Variants in PRR14 observed in about 807,000 individuals in gnomAD.
PRR14 encodes the protein proline rich 14, also known as proline-rich protein 14.
PRR14 carries 33 observed loss-of-function variants against 57.2 expected under a neutral mutation model. The observed-to-expected ratio is 0.58, with a 90% CI of 0.44 to 0.77. The LOEUF is 0.77. Ranked by LOEUF, PRR14 falls within the 30% of genes least tolerant of loss-of-function variation. The pLI is 0.00. For synonymous variants in PRR14, 303 were observed against 314.7 expected (o/e 0.96, Z 0.39); for missense variants, 716 against 788.1 (o/e 0.91, Z 1.10).
Position 30,654,786 on chromosome 16 carries a change from G to GCC in PRR14, c.820_821dup (p.Pro275HisfsTer7). The GCC allele has an allele frequency of 6.4e-7, 1 of 1,568,086 alleles. No homozygotes were observed. The highest frequency in any genetic ancestry group is 8.7e-7 in the Non-Finnish European group (1 of 1,145,200). ...TCCTCACGCCCAACAAAACCCCACA[G>GCC]CCCCCACCCCCGTCCCCCCCAATGA... is the stretch of plus-strand genomic sequence containing the variant. On this transcript the variant is annotated frameshift_variant, in exon 8 of 12. Coordinates refer to ENST00000300835, the MANE Select transcript of PRR14 (RefSeq NM_024031.5). LOFTEE classifies it high-confidence loss of function.
In PRR14 at chr16:30,655,890, T is replaced by G; in HGVS notation, c.1429T>G (p.Leu477Val). 1 of 1,614,114 alleles carries G rather than the reference T, an allele frequency of 6.2e-7. No homozygotes were observed. The highest frequency in any genetic ancestry group is 8.5e-7 in the Non-Finnish European group (1 of 1,180,012). Residue 477 changes from leucine (L) to valine (V), a missense_variant, in exon 11 of 12, where the codon TTG becomes GTG. Physicochemically the swap from Leu to Val is conservative, Grantham distance 32 (BLOSUM62 1). Coordinates refer to ENST00000300835, the MANE Select transcript of PRR14 (RefSeq NM_024031.5). This position sits in a 1 kb window ranked among gnomAD's most constrained non-coding sequence, Gnocchi z 4.6. ...CAGGTTGAACAAGAAGGAGTTCAGC[T>G]TGGAAGAAATTTACACCAACAAGAA... ...PIRLNKKEFS[L>V]EEIYTNKNYQ...
chr16:30,651,021 G>C lies in PRR14; in HGVS notation c.-157G>C, dbSNP rs1233948293. ...ATCCCTGGGGATCTACGCTGAGTTC[G>C]GAGATGCTCCAGCTCGGGCCGCCCC... On this transcript the variant is annotated 5_prime_UTR_variant, in exon 1 of 12. Transcript: ENST00000300835. The surrounding 1 kb of genome is among the most constrained non-coding windows in gnomAD (Gnocchi z 5.0). 4.4e-6 allele frequency: 2 copies of C among 456,240 alleles called. No homozygotes were observed. Among genetic ancestry groups the C allele is most frequent in the African/African-American group, 2.0e-5 (1 of 50,070 alleles). 28.3% of individuals were successfully genotyped at this position (456,240 alleles called of 1,614,324 possible). A position where few individuals can be genotyped will look rare whatever the true frequency, so the allele number is the denominator to read the frequency against.
Position 30,655,604 on chromosome 16 carries a change from C to T in PRR14, c.1406+11C>T, listed in dbSNP as rs1596606843. Reference sequence around the variant, plus strand: ...GCCTCGACCAATCAGGTGAGGGGCTCACTGGGCATTGAGCCATCTTGGCCA... The same window carrying T: ...GCCTCGACCAATCAGGTGAGGGGCTTACTGGGCATTGAGCCATCTTGGCCA... On this transcript the variant is annotated intron_variant, in intron 10 of 11. Transcript: ENST00000300835. This position sits in a 1 kb window ranked among gnomAD's most constrained non-coding sequence, Gnocchi z 4.6. 1 of 1,612,822 alleles carries T rather than the reference C, an allele frequency of 6.2e-7. No homozygotes were observed.
rs199988594 is a variant in PRR14 at position 30,652,835 on chromosome 16, C to A, written c.307C>A (p.Gln103Lys). 7.9e-5 allele frequency: 128 copies of A among 1,614,142 alleles called. No homozygotes were observed. Among genetic ancestry groups the A allele is most frequent in the Middle Eastern group, 1.6e-4 (1 of 6,062 alleles). Residue 103 changes from glutamine to lysine, a missense_variant, in exon 4 of 12, where the codon CAG becomes AAG. Coordinates refer to ENST00000300835, the MANE Select transcript of PRR14 (RefSeq NM_024031.5). ...ACCCCGGCAGGCCGGGTGGTCCTCG[C>A]AGGCCAGGTGAGCATGGCAGGATGG... is the stretch of plus-strand genomic sequence containing the variant. ...SPPRQAGWSSQARPPDPLCLC... is the reference protein window; with the variant it reads ...SPPRQAGWSSKARPPDPLCLC...
chr16:30,652,272 C>T (rs1402461156), intron 3 of PRR14: 1 of 587,370 alleles, frequency 1.7e-6, no homozygotes, highest in Non-Finnish European at 3.2e-6. Context: ...CTATGTTGCA[C>T]AAGCTGGTCT....
intron 3 of PRR14, chr16:30,652,264 A>G (rs1445493327): frequency 5.1e-6 from 3 of 584,906 alleles, no homozygotes; most frequent in Non-Finnish European, 9.5e-6. Flanking sequence ...GGGTCTTGCT[A>G]TGTTGCACAA....
At position 30,653,309 on chromosome 16, in the gene PRR14, TG is replaced by T. The variant is rs1229332321; in HGVS notation, c.505-52del. 8 of 1,570,778 alleles carry T rather than the reference TG, an allele frequency of 5.1e-6. No individual in the cohort carries two copies. The East Asian group carries it at 1.8e-4, about 35-fold the overall frequency. On this transcript the variant is annotated intron_variant, in intron 5 of 11. Transcript: ENST00000300835. ...TCCGGGAACTGAAAGAGTCAGGATGTGGGGCACTAAGGGGGCTTTCCTGCCT... is the reference window on the plus strand; with the variant it reads ...TCCGGGAACTGAAAGAGTCAGGATGTGGGCACTAAGGGGGCTTTCCTGCCT...
rs1567538695 is a variant in PRR14 at position 30,653,428 on chromosome 16, G to GATTATCA, written c.548+22_548+28dup. 1.2e-6 allele frequency: 2 copies of GATTATCA among 1,611,690 alleles called. No homozygotes were observed. The highest frequency in any genetic ancestry group is 4.5e-5 in the East Asian group (2 of 44,864). On this transcript the variant is annotated intron_variant, in intron 6 of 11. Transcript: ENST00000300835. ...ACAAAGGTGAGAGGGCTGGAGTAGG[G>GATTATCA]ATTATCAAAGGATCCAGGCAACAGC...
Position 30,655,068 on chromosome 16 carries a change from T to TC in PRR14, c.1098_1099insC (p.Gly367ArgfsTer70). On this transcript the variant is annotated frameshift_variant, in exon 8 of 12. Coordinates refer to ENST00000300835, the MANE Select transcript of PRR14 (RefSeq NM_024031.5). LOFTEE classifies it high-confidence loss of function. This position sits in a 1 kb window ranked among gnomAD's most constrained non-coding sequence, Gnocchi z 4.6. ...GGCCGCGGCGGCACACTGTGGGTGG[T>TC]GGGGAAATGGCCCGAGCCCCGCCAC... 1 of 1,611,326 alleles carries TC rather than the reference T, an allele frequency of 6.2e-7. No homozygotes were observed. Among genetic ancestry groups the TC allele is most frequent in the Non-Finnish European group, 8.5e-7 (1 of 1,179,898 alleles).
At chr16:30,652,375 T>G in intron 3 of PRR14, 1 of 571,474 alleles carries the variant, frequency 1.7e-6, no homozygotes, top group Non-Finnish European at 3.3e-6. Flanking sequence ...CTCTTCTGCT[T>G]TCTTCCCAGC....
At position 30,655,464 on chromosome 16, in the gene PRR14, C is replaced by G. The variant is rs773421807; in HGVS notation, c.1315-38C>G. On this transcript the variant is annotated intron_variant, in intron 9 of 11. Transcript: ENST00000300835. This position sits in a 1 kb window ranked among gnomAD's most constrained non-coding sequence, Gnocchi z 4.6. ...TAGAAGAGACTAGTGGGGGCCTGAG[C>G]CCATGTCACTCTTTCACCCTCTGCC... The G allele has an allele frequency of 6.2e-7, 1 of 1,613,434 alleles. No individual in the cohort carries two copies. Among genetic ancestry groups the G allele is most frequent in the Non-Finnish European group, 8.5e-7 (1 of 1,179,376 alleles).
Position 30,655,638 on chromosome 16 carries a change from C to T in PRR14, c.1406+45C>T, listed in dbSNP as rs753212214. On this transcript the variant is annotated intron_variant, in intron 10 of 11. Transcript: ENST00000300835. This position sits in a 1 kb window ranked among gnomAD's most constrained non-coding sequence, Gnocchi z 4.6. The stretch of plus-strand genomic sequence containing the variant: ...TTGAGCCATCTTGGCCAAACAGATG[C>T]AGGCTTATGTCCCCTGAAGTATAGC... The T allele has an allele frequency of 6.5e-7, 1 of 1,540,710 alleles. No homozygotes were observed. Among genetic ancestry groups the T allele is most frequent in the Non-Finnish European group, 9.0e-7 (1 of 1,114,224 alleles).
In PRR14 at chr16:30,656,165, G is replaced by A. The variant is rs2151259847; in HGVS notation, c.1612G>A (p.Val538Ile). The A allele has an allele frequency of 6.2e-7, 1 of 1,601,700 alleles. No homozygotes were observed. Among genetic ancestry groups the A allele is most frequent in the Non-Finnish European group, 8.5e-7 (1 of 1,175,254 alleles). ...TCGATCACGAAGACCGTCCCGTGGG[G>A]TCCGGGCTGCAGGGGGCAGGACTGT... ...LPRSRRPSRG[V>I]RAAGGRTVPP... Residue 538 changes from valine (V) to isoleucine (I), a missense_variant, in exon 12 of 12, where the codon GTC (valine) becomes ATC (isoleucine). Transcript: ENST00000300835.
intron 6 of PRR14, among the ~76,000 whole-genome samples, chr16:30,653,701 CTG>C (rs2052336293): frequency 6.6e-6 from 1 of 152,164 alleles, no homozygotes. Flanking sequence ...AGTTTTTGCT[CTG>C]TTGCCCAGGC....
At chr16:30,652,037 T>C in intron 3 of PRR14, 73 bp downstream of exon 3, 1 of 1,451,044 alleles carries the variant, frequency 6.9e-7, no homozygotes, top group Non-Finnish European at 9.3e-7. Context: ...GCCAGATCCC[T>C]ACTGAGGATA....
rs150232321 is a variant in PRR14, at chr16:30,655,047, G to A, written c.1077G>A (p.Pro359=). 464 of 1,610,846 alleles carry A rather than the reference G, an allele frequency of 2.9e-4. 3 individuals carry two copies. The African/African-American group carries it at 4.8e-3, about 17-fold the overall frequency. The change falls in exon 8 of 12, where the codon CCG becomes CCA. Residue 359 remains proline (P), a synonymous_variant. Transcript: ENST00000300835. The surrounding 1 kb of genome is among the most constrained non-coding windows in gnomAD (Gnocchi z 4.6). ...CACCCCAACCAAGCCGACCACGGCC[G>A]CGGCGGCACACTGTGGGTGGTGGGG... ...PAPPQPSRPR[P]RRHTVGGGEM...
Position 30,655,287 on chromosome 16 carries a change from G to C in PRR14, c.1245-64G>C. 1.9e-6 allele frequency: 3 copies of C among 1,607,130 alleles called. No individual in the cohort carries two copies. Among genetic ancestry groups the C allele is most frequent in the Non-Finnish European group, 2.6e-6 (3 of 1,174,314 alleles). ...CAGCCTCCTTCCCTGAGTATCCAGTGGGCAGGAGACGGGGGATAATGCAGT... is the reference window on the plus strand; with the variant it reads ...CAGCCTCCTTCCCTGAGTATCCAGTCGGCAGGAGACGGGGGATAATGCAGT... On this transcript the variant is annotated intron_variant, in intron 8 of 11. Coordinates refer to ENST00000300835, the MANE Select transcript of PRR14 (RefSeq NM_024031.5). The surrounding 1 kb of genome is among the most constrained non-coding windows in gnomAD (Gnocchi z 4.6).
rs770991086 is a variant in PRR14, at chr16:30,654,686, C to A, written c.716C>A (p.Pro239His). 3.5e-5 allele frequency: 56 copies of A among 1,613,638 alleles called. No individual in the cohort carries two copies. The highest frequency in any genetic ancestry group is 4.7e-5 in the Non-Finnish European group (55 of 1,179,922). The change falls in exon 8 of 12, where the codon CCC (proline) becomes CAC (histidine). Residue 239 changes from proline (P) to histidine (H), a missense_variant. Pro to His is a moderately conservative substitution (Grantham distance 77, BLOSUM62 -2). Transcript: ENST00000300835. ...STPPPSSLLRPRLSPWGLAPL... is the reference protein window; with the variant it reads ...STPPPSSLLRHRLSPWGLAPL... ...CCACCACCGTCCAGCCTTTTACGCC[C>A]CCGCCTCAGTCCCTGGGGCTTGGCC...
rs1428452599 is a variant in PRR14 at position 30,655,541 on chromosome 16, C to A, written c.1354C>A (p.Pro452Thr). The change falls in exon 10 of 12, where the codon CCA becomes ACA. Residue 452 changes from proline (P) to threonine (T), a missense_variant. Coordinates refer to ENST00000300835, the MANE Select transcript of PRR14 (RefSeq NM_024031.5). This position sits in a 1 kb window ranked among gnomAD's most constrained non-coding sequence, Gnocchi z 4.6. The stretch of plus-strand genomic sequence containing the variant: ...TTCTCGATTCAGAATACGCAGAACA[C>A]CAGCCCGTCCTCAGCTAAACCTTAC... ...KVSRFRIRRT[P>T]ARPQLNLTPM... 11 of 1,614,220 alleles carry A rather than the reference C, an allele frequency of 6.8e-6. No individual in the cohort carries two copies. Among genetic ancestry groups the A allele is most frequent in the Non-Finnish European group, 9.3e-6 (11 of 1,180,036 alleles).
Sources: gnomAD v4.1 joint callset for allele counts (sites outside exome capture counted in the v4.1 genomes callset) on GRCh38, gnomAD v4.1.1 for gene constraint, Gnocchi (gnomAD v3.1) non-coding constraint, MANE v1.5 for transcripts, NCBI Gene and HGNC (gene_info 2026-07-23, HGNC 2026-07-21) for gene names.